SMG6: variants seen among roughly 807,000 people sequenced by gnomAD.
SMG6 encodes telomerase-binding protein EST1A.
A neutral mutation model predicts 142.2 loss-of-function variants in SMG6; 66 were observed. The observed-to-expected ratio is 0.46, with a 90% CI of 0.38 to 0.57. The LOEUF is 0.57. Ranked by LOEUF, SMG6 falls within the 20% of genes least tolerant of loss-of-function variation. The pLI is 0.00. For missense variants in SMG6, 1,793 were observed against 1,832.0 expected (o/e 0.98, Z 0.39); for synonymous variants, 779 against 702.4 (o/e 1.11, Z -1.72).
intron 16 of SMG6, among the ~76,000 whole-genome samples, chr17:2,067,368 G>C (rs1228780762): frequency 6.6e-6 from 1 of 152,168 alleles, no homozygotes; most frequent in Non-Finnish European, 1.5e-5. Flanking sequence ...CGGCGTCTGA[G>C]GCACCTTACG....
intron 13 of SMG6, chr17:2,087,812 A>T: frequency 3.0e-6 from 3 of 985,770 alleles, no homozygotes; most frequent in Non-Finnish European, 3.6e-6. Flanking sequence ...CCAGCCTCTC[A>T]CTTGCATAGG....
intron 6 of SMG6, among the ~76,000 whole-genome samples, chr17:2,292,279 C>A (rs2075054808): frequency 2.0e-5 from 3 of 152,138 alleles, no homozygotes; most frequent in Admixed American, 2.0e-4. Flanking sequence ...CAGCTCTGGT[C>A]AGAAACAAAG....
intron 8 of SMG6, among the ~76,000 whole-genome samples, chr17:2,274,347 C>T (rs1424820484): frequency 6.6e-6 from 1 of 152,190 alleles, no homozygotes; most frequent in Non-Finnish European, 1.5e-5. Context: ...TCTACTTAAG[C>T]ACTGAGCCCA....
At position 2,188,518 on chromosome 17, in the gene SMG6, G is replaced by A; in HGVS notation, c.2870-3C>T. ...GCGGCACTCCTCCGAGAAGCAGTCTGCGGACAGGCAAATGAAACTCTCAGC... is the reference window on the plus strand; with the variant it reads ...GCGGCACTCCTCCGAGAAGCAGTCTACGGACAGGCAAATGAAACTCTCAGC... On this transcript the variant is annotated splice_polypyrimidine_tract_variant and splice_region_variant and intron_variant, in intron 10 of 18. Coordinates refer to ENST00000263073, the MANE Select transcript of SMG6 (RefSeq NM_017575.5). The A allele has an allele frequency of 6.2e-7, 1 of 1,612,986 alleles. No individual in the cohort carries two copies. The highest frequency in any genetic ancestry group is 1.1e-5 in the South Asian group (1 of 91,042).
At chr17:2,296,599 G>T (rs2075147639) in intron 4 of SMG6, among the ~76,000 whole-genome samples, 1 of 152,166 alleles carries the variant, frequency 6.6e-6, no homozygotes, top group African/African-American at 2.4e-5. Context: ...AACTAAGCAT[G>T]CGAGGGACCT....
At chr17:2,210,199 C>G (rs528718571) in intron 10 of SMG6, among the ~76,000 whole-genome samples, 2 of 152,286 alleles carry the variant, frequency 1.3e-5, no homozygotes, top group East Asian at 3.9e-4. Context: ...AATCCAGCTT[C>G]CTGCATGCAA....
At chr17:2,149,378 TTAAAATGG>T (rs1179994514) in intron 13 of SMG6, among the ~76,000 whole-genome samples, 1 of 142,402 alleles carries the variant, frequency 7.0e-6, no homozygotes, top group South Asian at 2.2e-4. Flanking sequence ...AAAAAAAGGG[TTAAAATGG>T]TAAATTTTAT....
intron 10 of SMG6, among the ~76,000 whole-genome samples, chr17:2,197,476 G>C (rs2072365496): frequency 6.6e-6 from 1 of 152,110 alleles, no homozygotes; most frequent in African/African-American, 2.4e-5. Flanking sequence ...AGAAGTGGGA[G>C]GATCACTTGA....
intron 13 of SMG6, among the ~76,000 whole-genome samples, chr17:2,148,466 G>A (rs769465549): frequency 2.4e-4 from 36 of 152,324 alleles, no homozygotes; most frequent in African/African-American, 5.1e-4. Flanking sequence ...GCTACGGCAC[G>A]GATAAAACGT....
At chr17:2,250,886 A>G (rs2074031565) in intron 8 of SMG6, among the ~76,000 whole-genome samples, 1 of 152,062 alleles carries the variant, frequency 6.6e-6, no homozygotes, top group Admixed American at 6.6e-5. Flanking sequence ...ATGTGGGCGC[A>G]CTGGTGATGT....
At chr17:2,194,709 AAAC>A (rs1384320613) in intron 10 of SMG6, among the ~76,000 whole-genome samples, 1 of 146,358 alleles carries the variant, frequency 6.8e-6, no homozygotes. Flanking sequence ...AAACAAAACA[AAAC>A]AAAAAAAAAA....
intron 13 of SMG6, among the ~76,000 whole-genome samples, chr17:2,152,639 C>A (rs1182495689): frequency 1.3e-5 from 2 of 152,164 alleles, no homozygotes; most frequent in Middle Eastern, 3.2e-3. Context: ...GAATTAAAAT[C>A]ACAAGGTACC....
At chr17:2,117,404 C>G (rs2069542059) in intron 13 of SMG6, among the ~76,000 whole-genome samples, 1 of 151,922 alleles carries the variant, frequency 6.6e-6, no homozygotes, top group Non-Finnish European at 1.5e-5. Context: ...CAAAAAATCC[C>G]AAATAATGCG....
At chr17:2,139,213 G>A (rs1051406455) in intron 13 of SMG6, among the ~76,000 whole-genome samples, 1 of 152,192 alleles carries the variant, frequency 6.6e-6, no homozygotes, top group African/African-American at 2.4e-5. Context: ...AGTTGTGCAA[G>A]AAAAGGCAGA....
chr17:2,164,831 G>T (rs1271075665), intron 13 of SMG6, among the ~76,000 whole-genome samples: 1 of 151,566 alleles, frequency 6.6e-6, no homozygotes, highest in Non-Finnish European at 1.5e-5. Flanking sequence ...CAGCTACTCC[G>T]GAGGCTGAGG....
intron 13 of SMG6, among the ~76,000 whole-genome samples, chr17:2,102,179 G>A (rs925388523): frequency 6.6e-6 from 1 of 152,084 alleles, no homozygotes; most frequent in African/African-American, 2.4e-5. Context: ...TATATTCCTA[G>A]TCCTTTACAA....
intron 10 of SMG6, among the ~76,000 whole-genome samples, chr17:2,212,440 A>G (rs2072892984): frequency 6.6e-6 from 1 of 152,156 alleles, no homozygotes; most frequent in Non-Finnish European, 1.5e-5. Context: ...GCTGCAGATC[A>G]ATCGATCAGG....
chr17:2,077,577 G>T (rs946480814), intron 15 of SMG6, among the ~76,000 whole-genome samples: 15 of 152,372 alleles, frequency 9.8e-5, no homozygotes, highest in Middle Eastern at 3.4e-3. Context: ...TGTCCAGGCA[G>T]GAGGGCCTTA....
At chr17:2,135,994 T>TTGTGTGTGTGTG (rs1288217557) in intron 13 of SMG6, among the ~76,000 whole-genome samples, 2 of 98,852 alleles carry the variant, frequency 2.0e-5, no homozygotes, top group African/African-American at 8.2e-5. Flanking sequence ...ATATATATAT[T>TTGTGTGTGTGTG]TATGTGTGTG....
Sources: allele counts gnomAD v4.1 joint callset (sites outside exome capture counted in the v4.1 genomes callset), GRCh38; gene constraint gnomAD v4.1.1; transcripts MANE v1.5; gene names NCBI Gene and HGNC (gene_info 2026-07-23, HGNC 2026-07-21).